Variants in RPS6KA6 observed in about 807,000 individuals in gnomAD.
The protein encoded by RPS6KA6 is ribosomal protein S6 kinase A6, also known as ribosomal protein S6 kinase alpha-6.
A neutral mutation model predicts 65.4 loss-of-function variants in RPS6KA6; 27 were observed. The ratio of observed to expected loss-of-function variants is 0.41; its 90% CI spans 0.30 to 0.57. The LOEUF (loss-of-function observed/expected upper bound fraction) is 0.57. Among genes scored for constraint, RPS6KA6 ranks in the 20% least tolerant of loss-of-function variants. The pLI, the probability that RPS6KA6 is intolerant of heterozygous loss-of-function variation, is 0.24. For missense variants in RPS6KA6, 486 were observed against 555.6 expected (o/e 0.87, Z 1.26); for synonymous variants, 190 against 184.2 (o/e 1.03, Z -0.26).
chrX:84,098,924 C>T (rs773224183), intron 18 of RPS6KA6, among the ~76,000 whole-genome samples: 8 of 111,360 alleles, frequency 7.2e-5, no homozygotes, highest in Admixed American at 9.6e-5. Flanking sequence ...AGCTAAACCA[C>T]TCATATCATG....
intron 1 of RPS6KA6, among the ~76,000 whole-genome samples, chrX:84,165,224 G>T (rs985207226): frequency 9.1e-6 from 1 of 109,669 alleles, no homozygotes; most frequent in East Asian, 2.9e-4. Flanking sequence ...GCAACAGGAA[G>T]ACGAACTAGA....
chrX:84,069,032 C>T (rs1199048454), intron 20 of RPS6KA6, among the ~76,000 whole-genome samples: 1 of 112,041 alleles, frequency 8.9e-6, no homozygotes, highest in East Asian at 2.8e-4. Flanking sequence ...CAAGCTACCA[C>T]TGACTTTCTT....
chrX:84,066,652 C>T (rs1297816706), intron 20 of RPS6KA6, among the ~76,000 whole-genome samples: 2 of 111,395 alleles, frequency 1.8e-5, no homozygotes, highest in Non-Finnish European at 3.8e-5. Context: ...TGGGACAGAG[C>T]ACCTCGGGGA....
intron 3 of RPS6KA6, among the ~76,000 whole-genome samples, chrX:84,154,548 G>C (rs746765867): frequency 1.4e-4 from 15 of 111,019 alleles, no homozygotes; most frequent in Non-Finnish European, 2.5e-4. Context: ...GCTATAAAGT[G>C]CAAAATAGCT....
At chrX:84,091,019 C>T (rs1229567771) in intron 20 of RPS6KA6, among the ~76,000 whole-genome samples, 1 of 111,777 alleles carries the variant, frequency 8.9e-6, no homozygotes, top group African/African-American at 3.3e-5. Flanking sequence ...GAGTACTAAA[C>T]TGAAAATCAG....
chrX:84,170,587 G>A (rs1458548200), intron 1 of RPS6KA6, among the ~76,000 whole-genome samples: 1 of 110,885 alleles, frequency 9.0e-6, no homozygotes, highest in African/African-American at 3.3e-5. Flanking sequence ...CCAAGATCAC[G>A]CCACTGCATT....
chrX:84,105,728 T>A, intron 16 of RPS6KA6, 59 bp downstream of exon 16: 1 of 680,345 alleles, frequency 1.5e-6, no homozygotes, highest in Non-Finnish European at 2.2e-6. Context: ...ATAAGAAAAA[T>A]AAAGTTCCAA....
intron 8 of RPS6KA6, among the ~76,000 whole-genome samples, chrX:84,132,930 T>C (rs946079658): frequency 8.3e-5 from 9 of 108,626 alleles, no homozygotes; most frequent in Admixed American, 4.0e-4. Flanking sequence ...AAAAAAAGTA[T>C]TGCCATTCTC....
intron 12 of RPS6KA6, among the ~76,000 whole-genome samples, chrX:84,115,832 C>T (rs935721648): frequency 1.3e-4 from 15 of 111,526 alleles, no homozygotes; most frequent in Non-Finnish European, 2.3e-4. Context: ...AGATTATTAT[C>T]CTATGTGAAA....
intron 6 of RPS6KA6, 123 bp downstream of exon 6, chrX:84,145,355 G>A (rs779907730): frequency 2.5e-4 from 108 of 434,918 alleles, no homozygotes; most frequent in Non-Finnish European, 3.6e-4. Flanking sequence ...CAAATACTAT[G>A]CAATGAAACA....
intron 1 of RPS6KA6, among the ~76,000 whole-genome samples, chrX:84,169,871 C>A (rs187730704): frequency 1.6e-3 from 174 of 110,867 alleles, no homozygotes; most frequent in African/African-American, 5.6e-3. Context: ...CAAAATCAAC[C>A]TAGTAAAAAA....
At chrX:84,136,777 T>G (rs1602446175) in intron 6 of RPS6KA6, among the ~76,000 whole-genome samples, 1 of 111,562 alleles carries the variant, frequency 9.0e-6, no homozygotes, top group Non-Finnish European at 1.9e-5. Context: ...CACTGTACAA[T>G]CATTATGTTA....
At position 84,062,518 on chromosome X, in the gene RPS6KA6, C is replaced by T. The variant is rs1185598082; in HGVS notation, c.*1759G>A. ...AATGAGAAAAAAAGCCAAAATGGAACATAAAAAGCCATAAGACATGATACC... is the reference window on the plus strand; with the variant it reads ...AATGAGAAAAAAAGCCAAAATGGAATATAAAAAGCCATAAGACATGATACC... On this transcript the variant is annotated 3_prime_UTR_variant, in exon 22 of 22. Transcript: ENST00000262752. The T allele has an allele frequency of 9.0e-6, 1 of 111,100 alleles. No homozygotes were observed. The highest frequency in any genetic ancestry group is 1.9e-5 in the Non-Finnish European group (1 of 52,836). The allele number at this position is 111,100 out of a possible 1,213,427, so 9.2% of individuals were successfully genotyped here. A position where few individuals can be genotyped will look rare whatever the true frequency, so the allele number is the denominator to read the frequency against.
At chrX:84,184,220 T>C (rs993728529) in intron 1 of RPS6KA6, among the ~76,000 whole-genome samples, 3 of 112,150 alleles carry the variant, frequency 2.7e-5, no homozygotes, top group Non-Finnish European at 3.8e-5. Context: ...TTAGATGAAA[T>C]GATCAAATTT....
In RPS6KA6 at chrX:84,062,350, C is replaced by T. The variant is rs1370988954; in HGVS notation, c.*1927G>A. ...GGAAATAGTATCTCTGTCCTGAAAA[C>T]TTCAACACCAAAATCACACCTCTGA... On this transcript the variant is annotated 3_prime_UTR_variant, in exon 22 of 22. Coordinates refer to ENST00000262752, the MANE Select transcript of RPS6KA6 (RefSeq NM_014496.5). 2 of 111,444 alleles carry T rather than the reference C, an allele frequency of 1.8e-5. No individual in the cohort carries two copies. Among genetic ancestry groups the T allele is most frequent in the African/African-American group, 6.5e-5 (2 of 30,714 alleles). 9.2% of individuals were successfully genotyped at this position (111,444 alleles called of 1,213,427 possible). A position where few individuals can be genotyped will look rare whatever the true frequency, so the allele number is the denominator to read the frequency against.
chrX:84,078,259 C>T (rs889809377), intron 20 of RPS6KA6, among the ~76,000 whole-genome samples: 1 of 112,039 alleles, frequency 8.9e-6, no homozygotes, highest in African/African-American at 3.2e-5. Context: ...CAAATAGTAT[C>T]ACACACCTTT....
Position 84,151,040 on chromosome X carries a change from TATATATAGAGGATAG to T in RPS6KA6, c.259-2932_259-2918del, listed in dbSNP as rs1323735356. 2.5e-3 allele frequency among the ~76,000 whole-genome samples: 232 copies of T among 92,626 alleles called. 3 individuals carry two copies. The highest frequency in any genetic ancestry group is 0.013 in the Middle Eastern group (2 of 153). 80.4% of individuals were successfully genotyped at this position (92,626 alleles called of 115,157 possible). On this transcript the variant is annotated intron_variant, in intron 3 of 21. Transcript: ENST00000262752. ...AGAGAGAGGATATATAGAGAGGATA[TATATATAGAGGATAG>T]ATATATAGAGGATAGATATATAGAG...
chrX:84,128,212 T>C (rs915335768), intron 8 of RPS6KA6, among the ~76,000 whole-genome samples: 2 of 110,997 alleles, frequency 1.8e-5, no homozygotes, highest in African/African-American at 6.5e-5. Flanking sequence ...GTGATGCCAC[T>C]TACAATAGCT....
intron 21 of RPS6KA6, 34 bp from the exon 22 acceptor site, chrX:84,064,436 C>T (rs2033355349): frequency 3.7e-6 from 4 of 1,078,373 alleles, no homozygotes; most frequent in African/African-American, 2.0e-5. Context: ...AAACTAAGTA[C>T]AAATTCTGGA....
Sources: allele counts gnomAD v4.1 joint callset (sites outside exome capture counted in the v4.1 genomes callset), GRCh38; gene constraint gnomAD v4.1.1; transcripts MANE v1.5; gene names NCBI Gene and HGNC (gene_info 2026-07-23, HGNC 2026-07-21).